Variants in ITGAL observed in about 807,000 individuals in gnomAD.
ITGAL encodes integrin subunit alpha L.
A neutral mutation model predicts 138.4 loss-of-function variants in ITGAL; 68 were observed. The observed-to-expected ratio is 0.49, with a 90% CI of 0.40 to 0.60. The LOEUF (loss-of-function observed/expected upper bound fraction) is 0.60. ITGAL is among the 20% of genes least tolerant of loss of function. ITGAL has a pLI of 0.00. For synonymous variants in ITGAL, 561 were observed against 584.3 expected, an observed-to-expected ratio of 0.96 and a Z score of 0.57; for missense variants, 1,256 against 1,478.6, an observed-to-expected ratio of 0.85 and a Z score of 2.47.
chr16:30,478,683 C>T (rs555591280), intron 4 of ITGAL, among the ~76,000 whole-genome samples: 13 of 72,010 alleles, frequency 1.8e-4, no homozygotes, highest in Admixed American at 1.6e-3. Context: ...GGCGATAGAG[C>T]GAAGACTCCA....
chr16:30,505,498 A>G, intron 20 of ITGAL, 36 bp downstream of exon 20: 2 of 1,535,172 alleles, frequency 1.3e-6, no homozygotes, highest in Non-Finnish European at 1.8e-6. Context: ...CCTCCCATCC[A>G]CTCTGTTTTA....
chr16:30,472,799 G>A lies in ITGAL; in HGVS notation c.-39G>A, dbSNP rs376435561. ...CAGCAAATCCCACGGGCCTCCTGAC[G>A]CTGCCCCTGGGGCCACAGGTCCCTC... On this transcript the variant is annotated 5_prime_UTR_variant, in exon 1 of 31. Coordinates refer to ENST00000356798, the MANE Select transcript of ITGAL (RefSeq NM_002209.3). 17 of 1,601,174 alleles carry A rather than the reference G, an allele frequency of 1.1e-5. No individual in the cohort carries two copies. Among genetic ancestry groups the A allele is most frequent in the African/African-American group, 9.4e-5 (7 of 74,730 alleles).
intron 30 of ITGAL, among the ~76,000 whole-genome samples, 168 bp from the exon 31 acceptor site, chr16:30,521,324 T>A (rs989419590): frequency 1.3e-5 from 2 of 151,802 alleles, no homozygotes; most frequent in African/African-American, 4.8e-5. Flanking sequence ...AGAGAATTGC[T>A]TAAGTCTGGG....
At position 30,483,941 on chromosome 16, in the gene ITGAL, C is replaced by T; in HGVS notation, c.837C>T (p.Ile279=). ...GCAACATCGATGCGGCCAAAGACATCATCCGCTACATCATCGGGGTAGGGC... is the reference window on the plus strand; with the variant it reads ...GCAACATCGATGCGGCCAAAGACATTATCCGCTACATCATCGGGGTAGGGC... ...DSGNIDAAKD[I]IRYIIGIGKH... The change falls in exon 8 of 31, where the codon ATC becomes ATT. Residue 279 remains isoleucine (I), a synonymous_variant. Coordinates refer to ENST00000356798, the MANE Select transcript of ITGAL (RefSeq NM_002209.3). 2 of 1,613,496 alleles carry T rather than the reference C, an allele frequency of 1.2e-6. No individual in the cohort carries two copies. The highest frequency in any genetic ancestry group is 2.2e-5 in the South Asian group (2 of 91,076).
intron 4 of ITGAL, among the ~76,000 whole-genome samples, chr16:30,476,869 G>A (rs188187607): frequency 2.6e-5 from 4 of 152,190 alleles, no homozygotes; most frequent in Admixed American, 2.6e-4. Context: ...CCTGACCTGA[G>A]GTGATCTGCC....
At chr16:30,508,025 C>A (rs2051030274) in intron 21 of ITGAL, among the ~76,000 whole-genome samples, 1 of 151,746 alleles carries the variant, frequency 6.6e-6, no homozygotes, top group Non-Finnish European at 1.5e-5. Flanking sequence ...TCTCCTGCCT[C>A]AGCCTCCCGA....
intron 24 of ITGAL, among the ~76,000 whole-genome samples, chr16:30,512,996 T>C (rs887929125): frequency 2.0e-5 from 3 of 152,232 alleles, no homozygotes; most frequent in African/African-American, 7.2e-5. Context: ...CCACCGCGCC[T>C]GGCCTCCAGT....
At chr16:30,503,671 C>CTTCCTTCTCTCCTTCTTTCTTTTCTTTTT (rs2050940566) in intron 17 of ITGAL, among the ~76,000 whole-genome samples, 1 of 151,764 alleles carries the variant, frequency 6.6e-6, no homozygotes, top group Admixed American at 6.6e-5. Context: ...GCTCATTTTC[C>CTTCCTTCTCTCCTTCTTTCTTTTCTTTTT]TTATTTTAAA....
chr16:30,496,071 G>A, intron 13 of ITGAL, 26 bp from the exon 14 acceptor site: 1 of 1,592,982 alleles, frequency 6.3e-7, no homozygotes, highest in Non-Finnish European at 8.6e-7. Context: ...TGACTTGGGT[G>A]TGACCTGTCT....
chr16:30,517,132 G>C (rs1168956179), intron 26 of ITGAL, 46 bp downstream of exon 26: 2 of 1,285,352 alleles, frequency 1.6e-6, no homozygotes, highest in Admixed American at 1.9e-5. Context: ...TCAGGTCTTG[G>C]GGGTGAGTGC....
rs71149033 is a variant in ITGAL at position 30,499,734 on chromosome 16, T to TATA, written c.2145+245_2145+246insATA. On this transcript the variant is annotated intron_variant, in intron 17 of 30. Transcript: ENST00000356798. ...ATATGTATATATATATATATATATATTTTTTTTTTTTTGACACAGAGTCTC... is the reference window on the plus strand; with the variant it reads ...ATATGTATATATATATATATATATATATATTTTTTTTTTTTGACACAGAGTCTC... Among the ~76,000 whole-genome samples, 15 of 76,642 alleles carry TATA rather than the reference T, an allele frequency of 2.0e-4. 1 individual carries two copies. Among genetic ancestry groups the TATA allele is most frequent in the African/African-American group, 9.4e-4 (12 of 12,806 alleles). The allele number at this position is 76,642 out of a possible 152,430, so 50.3% of individuals were successfully genotyped here. A position where few individuals can be genotyped will look rare whatever the true frequency, so the allele number is the denominator to read the frequency against.
intron 17 of ITGAL, among the ~76,000 whole-genome samples, chr16:30,502,478 G>A (rs992737955): frequency 5.3e-5 from 8 of 151,642 alleles, no homozygotes; most frequent in Non-Finnish European, 1.0e-4. Context: ...CAGGCATGGT[G>A]GCTCATGCCA....
chr16:30,503,469 G>A (rs558878920), intron 17 of ITGAL, among the ~76,000 whole-genome samples: 1 of 144,664 alleles, frequency 6.9e-6, no homozygotes, highest in Non-Finnish European at 1.5e-5. Context: ...TCTAGAGGGG[G>A]ACAGAAGGAG....
intron 11 of ITGAL, among the ~76,000 whole-genome samples, chr16:30,492,727 T>C (rs1258408478): frequency 6.6e-6 from 1 of 151,306 alleles, no homozygotes; most frequent in East Asian, 1.9e-4. Context: ...CAGCTAATTT[T>C]TTGTATTTTT....
At chr16:30,488,633 G>A (rs1171586054) in intron 9 of ITGAL, among the ~76,000 whole-genome samples, 1 of 146,440 alleles carries the variant, frequency 6.8e-6, no homozygotes, top group Non-Finnish European at 1.5e-5. Flanking sequence ...AACCCAGGAG[G>A]CAGAGGCTGT....
At chr16:30,519,276 G>A (rs1222855287) in intron 29 of ITGAL, among the ~76,000 whole-genome samples, 4 of 152,000 alleles carry the variant, frequency 2.6e-5, no homozygotes, top group Non-Finnish European at 4.4e-5. Context: ...TCAGTGCCTC[G>A]GGAGGCTGAG....
chr16:30,508,591 G>A (rs1378132964), intron 21 of ITGAL, among the ~76,000 whole-genome samples: 2 of 152,186 alleles, frequency 1.3e-5, no homozygotes, highest in East Asian at 1.9e-4. Flanking sequence ...GCTACCTTGG[G>A]GGCTGAGGTG....
At chr16:30,474,061 A>G in intron 1 of ITGAL, 135 bp from the exon 2 acceptor site, 3 of 715,182 alleles carry the variant, frequency 4.2e-6, no homozygotes, top group Non-Finnish European at 7.5e-6. Context: ...CCAGAAGTCA[A>G]CGCCCTGGAG....
At position 30,484,917 on chromosome 16, in the gene ITGAL, C is replaced by CAAACA. The variant is rs550985747; in HGVS notation, c.1006+673_1006+677dup. Reference sequence around the variant, plus strand: ...TGGGCAACACAGCAAGACTCAGTCTCAAACAAAACAAAACAAAACAAAAAA... The same window carrying CAAACA: ...TGGGCAACACAGCAAGACTCAGTCTCAAACAAAACAAAACAAAACAAAACAAAAAA... On this transcript the variant is annotated intron_variant, in intron 9 of 30. Transcript: ENST00000356798. Among the ~76,000 whole-genome samples, 1,360 of 151,486 alleles carry CAAACA rather than the reference C, an allele frequency of 9.0e-3. 26 individuals carry two copies. The highest frequency in any genetic ancestry group is 0.03 in the African/African-American group (1,253 of 41,164).
Sources: gnomAD v4.1 joint callset for allele counts (sites outside exome capture counted in the v4.1 genomes callset) on GRCh38, gnomAD v4.1.1 for gene constraint, MANE v1.5 for transcripts, NCBI Gene and HGNC (gene_info 2026-07-23, HGNC 2026-07-21) for gene names.